GNA13: variants seen among roughly 807,000 people sequenced by gnomAD.
The protein encoded by GNA13 is guanine nucleotide-binding protein subunit alpha-13.
Under a neutral mutation model 33.5 loss-of-function variants are expected in GNA13, and 4 were observed. The ratio of observed to expected loss-of-function variants is 0.12; its 90% CI spans 0.06 to 0.27. The LOEUF is 0.27. Among genes scored for constraint, GNA13 ranks in the 10% least tolerant of loss-of-function variants. GNA13 has a pLI of 1.00. For synonymous variants in GNA13, 176 were observed against 183.8 expected, an observed-to-expected ratio of 0.96 and a Z score of 0.34; for missense variants, 319 against 487.2, an observed-to-expected ratio of 0.65 and a Z score of 3.25.
rs1906147900 is a variant in GNA13 at position 65,010,433 on chromosome 17, C to T, written c.*3824G>A. 6.6e-6 allele frequency among the ~76,000 whole-genome samples: 1 copy of T among 152,000 alleles called. No homozygotes were observed. On this transcript the variant is annotated 3_prime_UTR_variant, in exon 4 of 4. Transcript: ENST00000439174. ...TTTGGGACATGCGGACACACCCACA[C>T]CCACCCACAATCTCTCCCCTCCTCA... is the stretch of plus-strand genomic sequence containing the variant.
intron 2 of GNA13, among the ~76,000 whole-genome samples, chr17:65,039,743 T>C (rs978108057): frequency 2.0e-5 from 3 of 152,242 alleles, no homozygotes; most frequent in Admixed American, 2.0e-4. Flanking sequence ...GCATATTTCA[T>C]GTAGATTACT....
chr17:65,038,195 G>C (rs1220374873), intron 2 of GNA13, among the ~76,000 whole-genome samples: 1 of 152,174 alleles, frequency 6.6e-6, no homozygotes, highest in Non-Finnish European at 1.5e-5. Flanking sequence ...ACAAGGTCAG[G>C]AGTTCGAGAC....
intron 2 of GNA13, among the ~76,000 whole-genome samples, chr17:65,052,772 C>T (rs2143832125): frequency 6.6e-6 from 1 of 152,278 alleles, no homozygotes; most frequent in East Asian, 1.9e-4. Flanking sequence ...ATGCCTGGCA[C>T]AATGCCAGCA....
chr17:65,009,981 T>C lies in GNA13; in HGVS notation c.*4276A>G, dbSNP rs986422208. ...TGACTGAAATTTTATGCACACTGAGTTCCAGCATACTCTGATCCACCTGTA... is the reference window on the plus strand; with the variant it reads ...TGACTGAAATTTTATGCACACTGAGCTCCAGCATACTCTGATCCACCTGTA... On this transcript the variant is annotated 3_prime_UTR_variant, in exon 4 of 4. Coordinates refer to ENST00000439174, the MANE Select transcript of GNA13 (RefSeq NM_006572.6). Among the ~76,000 whole-genome samples the C allele has an allele frequency of 1.3e-5, 2 of 152,162 alleles. No homozygotes were observed. Among genetic ancestry groups the C allele is most frequent in the Non-Finnish European group, 2.9e-5 (2 of 68,024 alleles).
chr17:65,049,008 C>G (rs1389492488), intron 2 of GNA13, among the ~76,000 whole-genome samples: 1 of 152,116 alleles, frequency 6.6e-6, no homozygotes, highest in African/African-American at 2.4e-5. Flanking sequence ...ATTATAATTA[C>G]ACAAGAACTG....
intron 2 of GNA13, among the ~76,000 whole-genome samples, chr17:65,031,888 GA>G (rs1907035074): frequency 9.3e-6 from 1 of 107,010 alleles, no homozygotes. Flanking sequence ...GAGAGAGAGA[GA>G]GAGAGAAAGA....
Position 65,045,535 on chromosome 17 carries a change from T to C in GNA13, c.510+7967A>G, listed in dbSNP as rs916257243. ...AAAAAAAAAAAAAAAAAAACCAAAC[T>C]GTTTCCACTGATGAAACATCAGTTG... is the stretch of plus-strand genomic sequence containing the variant. On this transcript the variant is annotated intron_variant, in intron 2 of 3. Coordinates refer to ENST00000439174, the MANE Select transcript of GNA13 (RefSeq NM_006572.6). Among the ~76,000 whole-genome samples, 6 of 137,092 alleles carry C rather than the reference T, an allele frequency of 4.4e-5. 1 individual carries two copies. In the South Asian group the frequency reaches 9.5e-4, roughly 22 times the overall value. 89.9% of individuals were successfully genotyped at this position (137,092 alleles called of 152,430 possible).
At chr17:65,028,492 T>C (rs1906887141) in intron 2 of GNA13, among the ~76,000 whole-genome samples, 1 of 151,800 alleles carries the variant, frequency 6.6e-6, no homozygotes, top group African/African-American at 2.4e-5. Context: ...ATTCTTAAGG[T>C]TGCTCATCAT....
In GNA13 at chr17:65,011,654, A is replaced by G. The variant is rs1393936076; in HGVS notation, c.*2603T>C. 6.2e-5 allele frequency: 14 copies of G among 224,750 alleles called. No individual in the cohort carries two copies. Among genetic ancestry groups the G allele is most frequent in the Non-Finnish European group, 8.9e-5 (10 of 112,556 alleles). 13.9% of individuals were successfully genotyped at this position (224,750 alleles called of 1,614,324 possible). On this transcript the variant is annotated 3_prime_UTR_variant, in exon 4 of 4. Transcript: ENST00000439174. The stretch of plus-strand genomic sequence containing the variant: ...CAGAATTAAATGAGAAGGCATTCAG[A>G]TTTAAGAACAGAATGTAACACAGGA...
rs952672198 is a variant in GNA13 at position 65,011,629 on chromosome 17, C to T, written c.*2628G>A. On this transcript the variant is annotated 3_prime_UTR_variant, in exon 4 of 4. Transcript: ENST00000439174. ...TGAAGACACTTGTGTGATATTTCCT[C>T]AGAATTAAATGAGAAGGCATTCAGA... is the stretch of plus-strand genomic sequence containing the variant. 3 of 221,440 alleles carry T rather than the reference C, an allele frequency of 1.4e-5. No individual in the cohort carries two copies. In the East Asian group the frequency reaches 2.0e-4, roughly 15 times the overall value. 13.7% of individuals were successfully genotyped at this position (221,440 alleles called of 1,614,324 possible).
At chr17:65,031,591 G>A (rs1314883099) in intron 2 of GNA13, among the ~76,000 whole-genome samples, 1 of 152,058 alleles carries the variant, frequency 6.6e-6, no homozygotes, top group East Asian at 1.9e-4. Context: ...ATTATCGTAA[G>A]GTTTTTATAT....
chr17:65,036,488 T>C (rs1392973736), intron 2 of GNA13, among the ~76,000 whole-genome samples: 1 of 152,176 alleles, frequency 6.6e-6, no homozygotes, highest in Non-Finnish European at 1.5e-5. Context: ...GGTGAATTGC[T>C]TGAGGCCAGG....
intron 2 of GNA13, among the ~76,000 whole-genome samples, chr17:65,044,378 T>TATA (rs1907577465): frequency 6.6e-6 from 1 of 152,168 alleles, no homozygotes; most frequent in Non-Finnish European, 1.5e-5. Context: ...AGGTTCACAA[T>TATA]ATAGACAAAG....
At chr17:65,056,258 G>GCCC in intron 1 of GNA13, 53 bp downstream of exon 1, 1 of 574,316 alleles carries the variant, frequency 1.7e-6, no homozygotes, top group Non-Finnish European at 3.0e-6. Context: ...CGCACCCGCC[G>GCCC]CCGCCCCAGC....
rs576255059 is a variant in GNA13, at chr17:65,047,592, C to T, written c.510+5910G>A. ...CCAAAAGAAACATAGTATTTTACAA[C>T]TGAAAGTAGCAATTCTTTAATATTT... On this transcript the variant is annotated intron_variant, in intron 2 of 3. Transcript: ENST00000439174. Among the ~76,000 whole-genome samples the T allele has an allele frequency of 3.9e-5, 6 of 151,994 alleles. No individual in the cohort carries two copies. The South Asian group carries it at 1.2e-3, about 31-fold the overall frequency.
At chr17:65,017,760 T>C (rs534122815) in intron 3 of GNA13, among the ~76,000 whole-genome samples, 2 of 152,232 alleles carry the variant, frequency 1.3e-5, no homozygotes, top group African/African-American at 4.8e-5. Context: ...AATTCGAAAA[T>C]GTCATTTGTC....
intron 2 of GNA13, among the ~76,000 whole-genome samples, chr17:65,038,923 T>A (rs989975591): frequency 3.3e-5 from 5 of 152,204 alleles, no homozygotes; most frequent in African/African-American, 1.2e-4. Context: ...AACGGCTATA[T>A]GGGTACCTGA....
At chr17:65,032,851 C>T (rs1907098111) in intron 2 of GNA13, among the ~76,000 whole-genome samples, 2 of 152,046 alleles carry the variant, frequency 1.3e-5, no homozygotes, top group African/African-American at 4.8e-5. Context: ...CGGCTCATGT[C>T]TGTAATCCCA....
At chr17:65,023,132 C>A (rs1906645883) in intron 2 of GNA13, among the ~76,000 whole-genome samples, 1 of 152,188 alleles carries the variant, frequency 6.6e-6, no homozygotes, top group South Asian at 2.1e-4. Context: ...ACAGCCTAAA[C>A]TGGAATATGC....
Sources: allele counts gnomAD v4.1 joint callset (sites outside exome capture counted in the v4.1 genomes callset), GRCh38; gene constraint gnomAD v4.1.1; transcripts MANE v1.5; gene names NCBI Gene and HGNC (gene_info 2026-07-23, HGNC 2026-07-21).